The following MYO9A variants were observed in gnomAD, a reference collection of about 807,000 sequenced individuals.
MYO9A encodes the protein myosin IXA.
A neutral mutation model predicts 293.3 loss-of-function variants in MYO9A; 103 were observed. That is an observed-to-expected ratio of 0.35 (90% CI 0.30 to 0.41). The LOEUF (loss-of-function observed/expected upper bound fraction) is 0.41, where lower values mean the gene tolerates loss of function less well. Ranked by LOEUF, MYO9A falls within the 10% of genes least tolerant of loss-of-function variation. The probability of loss-of-function intolerance (pLI) is 1.00; values close to 1 mark genes in which losing one functional copy is unlikely to be tolerated. For missense variants in MYO9A, 2,685 were observed against 3,033.0 expected, an observed-to-expected ratio of 0.89 and a Z score of 2.69; for synonymous variants, 1,001 against 1,035.7, an observed-to-expected ratio of 0.97 and a Z score of 0.64.
chr15:71,978,569 T>C (rs2076198393), intron 11 of MYO9A, among the ~76,000 whole-genome samples: 1 of 152,170 alleles, frequency 6.6e-6, no homozygotes, highest in African/African-American at 2.4e-5. Flanking sequence ...TCTCACTACC[T>C]GATGACTCCA....
chr15:71,941,357 C>T (rs889935022), intron 15 of MYO9A, among the ~76,000 whole-genome samples: 2 of 151,966 alleles, frequency 1.3e-5, no homozygotes, highest in Admixed American at 6.6e-5. Flanking sequence ...ATCGCTCAAA[C>T]CCAGAAGGCA....
chr15:72,044,104 T>G (rs1466393007), intron 2 of MYO9A, among the ~76,000 whole-genome samples: 3 of 151,592 alleles, frequency 2.0e-5, no homozygotes, highest in Non-Finnish European at 4.4e-5. Flanking sequence ...TAAAATCTTC[T>G]CTTGGAAATG....
At chr15:71,956,694 A>T (rs1329125204) in intron 14 of MYO9A, among the ~76,000 whole-genome samples, 3 of 150,754 alleles carry the variant, frequency 2.0e-5, no homozygotes, top group Non-Finnish European at 4.4e-5. Context: ...TCTCTTATAT[A>T]CACGTAGCAT....
chr15:71,981,240 A>AT (rs2076263682), intron 11 of MYO9A, among the ~76,000 whole-genome samples: 1 of 152,180 alleles, frequency 6.6e-6, no homozygotes, highest in South Asian at 2.1e-4. Flanking sequence ...CTGACCTATA[A>AT]TTTCCACTTC....
rs561389088 is a variant in MYO9A, at chr15:72,050,643, C to CA, written c.-71-4010dup. Among the ~76,000 whole-genome samples, 11 of 150,982 alleles carry CA rather than the reference C, an allele frequency of 7.3e-5. No individual in the cohort carries two copies. The South Asian group carries it at 1.7e-3, about 23-fold the overall frequency. On this transcript the variant is annotated intron_variant, in intron 1 of 41. Coordinates refer to ENST00000356056, the MANE Select transcript of MYO9A (RefSeq NM_006901.4). ...ATAAATAAATAAACAAACAAACAAA[C>CA]AAAATTTTTTTTTAAATGTACATTA...
chr15:72,107,536 A>G lies in MYO9A; in HGVS notation c.-72+10144T>C, dbSNP rs77747649. On this transcript the variant is annotated intron_variant, in intron 1 of 41. Transcript: ENST00000356056. ...TGCACTCCAGCCTGGGCGACAGAGC[A>G]AGACTTTGCCCCTCCCCTCCAAAAA... 1.5e-4 allele frequency among the ~76,000 whole-genome samples: 23 copies of G among 152,214 alleles called. 1 individual carries two copies. The East Asian group carries it at 4.1e-3, about 27-fold the overall frequency.
chr15:71,923,982 T>TG (rs1401207567), intron 18 of MYO9A, among the ~76,000 whole-genome samples: 6 of 152,152 alleles, frequency 3.9e-5, no homozygotes, highest in Non-Finnish European at 7.4e-5. Context: ...AGACAATTAT[T>TG]GCTATAAACT....
At chr15:71,835,281 A>G (rs1381496149) in intron 39 of MYO9A, among the ~76,000 whole-genome samples, 3 of 152,116 alleles carry the variant, frequency 2.0e-5, no homozygotes, top group East Asian at 3.9e-4. Context: ...TCAACACTAT[A>G]CTGGAGGTTC....
At chr15:71,906,211 G>A (rs1478574978) in intron 19 of MYO9A, among the ~76,000 whole-genome samples, 1 of 152,094 alleles carries the variant, frequency 6.6e-6, no homozygotes, top group Non-Finnish European at 1.5e-5. Context: ...ACTCAAAATT[G>A]TTAAGGTTTT....
At chr15:71,978,095 A>G (rs2076188003) in intron 12 of MYO9A, 76 bp downstream of exon 12, 1 of 1,526,866 alleles carries the variant, frequency 6.5e-7, no homozygotes, top group African/African-American at 1.4e-5. Context: ...TTGGTAATGT[A>G]AGAAAAAAGT....
At chr15:71,931,213 G>A (rs1427078932) in intron 18 of MYO9A, among the ~76,000 whole-genome samples, 2 of 152,108 alleles carry the variant, frequency 1.3e-5, no homozygotes, top group East Asian at 3.8e-4. Flanking sequence ...CTGTCCTTTA[G>A]CTTGAAGAAC....
At chr15:71,932,559 G>C (rs2058507622) in intron 18 of MYO9A, among the ~76,000 whole-genome samples, 1 of 151,394 alleles carries the variant, frequency 6.6e-6, no homozygotes, top group African/African-American at 2.4e-5. Context: ...TTGGCTACTA[G>C]ATGCAGCCTA....
intron 18 of MYO9A, among the ~76,000 whole-genome samples, chr15:71,929,099 C>G (rs1169780391): frequency 6.6e-6 from 1 of 150,870 alleles, no homozygotes; most frequent in East Asian, 1.9e-4. Flanking sequence ...GCAAGAAACA[C>G]TGCTGATTTT....
At chr15:71,946,974 G>A (rs1316516502) in intron 15 of MYO9A, among the ~76,000 whole-genome samples, 1 of 152,092 alleles carries the variant, frequency 6.6e-6, no homozygotes, top group Non-Finnish European at 1.5e-5. Context: ...AAAATTAGCA[G>A]GGCATGGTGG....
intron 19 of MYO9A, among the ~76,000 whole-genome samples, chr15:71,915,971 G>GA (rs1432397128): frequency 1.3e-5 from 2 of 151,564 alleles, no homozygotes; most frequent in Admixed American, 6.6e-5. Context: ...TAAATACACA[G>GA]GAAAAAAACC....
chr15:72,097,129 C>T (rs1479417794), intron 1 of MYO9A, among the ~76,000 whole-genome samples: 1 of 152,124 alleles, frequency 6.6e-6, no homozygotes, highest in African/African-American at 2.4e-5. Flanking sequence ...AAGACTGACT[C>T]CAATTTTGAA....
intron 15 of MYO9A, among the ~76,000 whole-genome samples, chr15:71,940,815 A>T (rs1052273351): frequency 2.0e-5 from 3 of 152,160 alleles, no homozygotes; most frequent in African/African-American, 4.8e-5. Context: ...ACAATCTTGC[A>T]AACAATCTTC....
intron 1 of MYO9A, among the ~76,000 whole-genome samples, chr15:72,062,198 T>A (rs2078897256): frequency 1.3e-5 from 2 of 152,002 alleles, no homozygotes; most frequent in Admixed American, 6.6e-5. Flanking sequence ...TAATACTCAA[T>A]CCACTTTGAA....
At chr15:72,100,656 C>T (rs1301322295) in intron 1 of MYO9A, among the ~76,000 whole-genome samples, 2 of 151,868 alleles carry the variant, frequency 1.3e-5, no homozygotes, top group African/African-American at 4.8e-5. Flanking sequence ...GCCACGACCC[C>T]GTCTGGGAGG....
Sources: gnomAD v4.1 joint callset for allele counts (sites outside exome capture counted in the v4.1 genomes callset) on GRCh38, gnomAD v4.1.1 for gene constraint, MANE v1.5 for transcripts, NCBI Gene and HGNC (gene_info 2026-07-23, HGNC 2026-07-21) for gene names.